Variants in ATP8B4 observed in about 807,000 individuals in gnomAD.
ATP8B4 encodes the protein ATPase phospholipid transporting 8B4 (putative).
A neutral mutation model predicts 145.6 loss-of-function variants in ATP8B4; 133 were observed. That is an observed-to-expected ratio of 0.91 (90% CI 0.79 to 1.05). The LOEUF (loss-of-function observed/expected upper bound fraction) is 1.05. Ranked by LOEUF, ATP8B4 falls within the 50% of genes least tolerant of loss-of-function variation. ATP8B4 has a pLI of 0.00. For synonymous variants in ATP8B4, 507 were observed against 492.9 expected (o/e 1.03, Z -0.38); for missense variants, 1,458 against 1,425.2 (o/e 1.02, Z -0.37).
chr15:49,911,753 T>C (rs1364724749), intron 20 of ATP8B4, among the ~76,000 whole-genome samples: 2 of 152,136 alleles, frequency 1.3e-5, no homozygotes, highest in Non-Finnish European at 2.9e-5. Flanking sequence ...CACCAGCACA[T>C]GAAACATTCT....
At chr15:50,139,358 T>A (rs1017955375) in intron 1 of ATP8B4, among the ~76,000 whole-genome samples, 2 of 152,126 alleles carry the variant, frequency 1.3e-5, no homozygotes, top group Admixed American at 6.6e-5. Flanking sequence ...ACACCGCATG[T>A]TCTCACTCAT....
chr15:49,948,372 C>T (rs2153486378), intron 14 of ATP8B4, among the ~76,000 whole-genome samples: 1 of 152,152 alleles, frequency 6.6e-6, no homozygotes, highest in African/African-American at 2.4e-5. Context: ...TTGTTTGAAC[C>T]TGGCAGATGG....
intron 23 of ATP8B4, among the ~76,000 whole-genome samples, chr15:49,890,220 C>T (rs1418169140): frequency 6.6e-6 from 1 of 152,188 alleles, no homozygotes; most frequent in East Asian, 1.9e-4. Flanking sequence ...ATTCAGACCA[C>T]AGGTTCTGCA....
chr15:50,042,115 A>G (rs370649986), intron 5 of ATP8B4, among the ~76,000 whole-genome samples: 1 of 151,452 alleles, frequency 6.6e-6, no homozygotes, highest in Admixed American at 6.6e-5. Context: ...AGATCATGCC[A>G]CTGCACTCCA....
At chr15:49,899,886 G>T (rs1485024398) in intron 21 of ATP8B4, among the ~76,000 whole-genome samples, 1 of 152,170 alleles carries the variant, frequency 6.6e-6, no homozygotes, top group African/African-American at 2.4e-5. Context: ...TTCTTGAAGA[G>T]CATCTATCTT....
chr15:49,908,546 C>T (rs528715816), intron 20 of ATP8B4, among the ~76,000 whole-genome samples: 6 of 152,252 alleles, frequency 3.9e-5, no homozygotes, highest in African/African-American at 1.4e-4. Context: ...GCCTCTCAAC[C>T]CTTTCAGACC....
At chr15:49,989,358 C>T (rs1437260399) in intron 9 of ATP8B4, among the ~76,000 whole-genome samples, 2 of 151,816 alleles carry the variant, frequency 1.3e-5, no homozygotes, top group Admixed American at 6.6e-5. Flanking sequence ...TTGACAGCAA[C>T]GCTTGAAGTT....
At chr15:50,148,365 C>T (rs1462003620) in intron 1 of ATP8B4, among the ~76,000 whole-genome samples, 1 of 152,078 alleles carries the variant, frequency 6.6e-6, no homozygotes, top group Admixed American at 6.6e-5. Flanking sequence ...AAAAAAAAAG[C>T]TATAAGACAT....
chr15:49,932,100 C>A (rs1292637997), intron 15 of ATP8B4, among the ~76,000 whole-genome samples: 1 of 151,252 alleles, frequency 6.6e-6, no homozygotes, highest in Non-Finnish European at 1.5e-5. Flanking sequence ...TGTTTAAAGA[C>A]TATTAATTAG....
intron 6 of ATP8B4, among the ~76,000 whole-genome samples, chr15:50,023,806 G>GAA (rs57474721): frequency 9.3e-6 from 1 of 107,018 alleles, no homozygotes; most frequent in Non-Finnish European, 2.0e-5. Context: ...AGAAAAAAAA[G>GAA]AAAAAAAAAA....
At chr15:49,980,964 A>T (rs2046100295) in intron 11 of ATP8B4, among the ~76,000 whole-genome samples, 1 of 152,242 alleles carries the variant, frequency 6.6e-6, no homozygotes, top group South Asian at 2.1e-4. Context: ...GGATATGGGG[A>T]ATTTGTAAGA....
At chr15:50,076,590 C>A (rs1297444557) in intron 2 of ATP8B4, among the ~76,000 whole-genome samples, 1 of 152,186 alleles carries the variant, frequency 6.6e-6, no homozygotes, top group Non-Finnish European at 1.5e-5. Flanking sequence ...CCAAAGCAGC[C>A]AAGTAGTTTC....
At chr15:49,923,315 C>A (rs2040421600) in intron 17 of ATP8B4, 64 bp downstream of exon 17, 4 of 1,148,736 alleles carry the variant, frequency 3.5e-6, no homozygotes, top group Middle Eastern at 1.9e-4. Context: ...TTTTTTTAAA[C>A]AAGACCTAAC....
At chr15:50,035,314 T>C (rs1599947501) in intron 6 of ATP8B4, among the ~76,000 whole-genome samples, 1 of 152,346 alleles carries the variant, frequency 6.6e-6, no homozygotes, top group Admixed American at 6.5e-5. Context: ...TACTTACATA[T>C]GCAAATTAAC....
chr15:50,088,204 G>A (rs2055346294), intron 2 of ATP8B4, among the ~76,000 whole-genome samples: 2 of 152,042 alleles, frequency 1.3e-5, no homozygotes, highest in Non-Finnish European at 2.9e-5. Context: ...TGACCAACAT[G>A]GTGAAACCAC....
chr15:50,166,690 C>A (rs1272180172), intron 1 of ATP8B4, among the ~76,000 whole-genome samples: 2 of 152,194 alleles, frequency 1.3e-5, no homozygotes, highest in African/African-American at 4.8e-5. Context: ...GGGTGATTGT[C>A]TGGGCTACCA....
chr15:50,078,068 A>G (rs2054296944), intron 2 of ATP8B4, among the ~76,000 whole-genome samples: 1 of 152,204 alleles, frequency 6.6e-6, no homozygotes, highest in South Asian at 2.1e-4. Flanking sequence ...GGGATCCAAC[A>G]GGAAGAAATA....
At chr15:49,924,961 C>T (rs1048054699) in intron 16 of ATP8B4, among the ~76,000 whole-genome samples, 2 of 152,130 alleles carry the variant, frequency 1.3e-5, no homozygotes, top group South Asian at 4.1e-4. Flanking sequence ...CTTCCAACAC[C>T]AGAGGTATAA....
Position 50,067,521 on chromosome 15 carries a change from T to A in ATP8B4, c.87+6606A>T, listed in dbSNP as rs77380811. Reference sequence around the variant, plus strand: ...TCTGGCAAAACTTCCTCAAACACTTTCGTGTACTTTGAGCTCTCCTTTCCC... The same window carrying A: ...TCTGGCAAAACTTCCTCAAACACTTACGTGTACTTTGAGCTCTCCTTTCCC... On this transcript the variant is annotated intron_variant, in intron 3 of 27. Transcript: ENST00000284509. Among the ~76,000 whole-genome samples the A allele has an allele frequency of 2.0e-5, 3 of 152,172 alleles. No individual in the cohort carries two copies. The East Asian group carries it at 5.8e-4, about 29-fold the overall frequency.
Sources: allele counts gnomAD v4.1 joint callset (sites outside exome capture counted in the v4.1 genomes callset), GRCh38; gene constraint gnomAD v4.1.1; transcripts MANE v1.5; gene names NCBI Gene and HGNC (gene_info 2026-07-23, HGNC 2026-07-21).